Variants in CDAN1 observed in about 807,000 individuals in gnomAD.
CDAN1 encodes codanin 1.
CDAN1 carries 107 observed loss-of-function variants against 139.8 expected under a neutral mutation model. That is an observed-to-expected ratio of 0.77 (90% CI 0.65 to 0.90). The LOEUF (loss-of-function observed/expected upper bound fraction) is 0.90. CDAN1 is among the 40% of genes least tolerant of loss of function. CDAN1 has a pLI of 0.00. For missense variants in CDAN1, 1,667 were observed against 1,575.7 expected (o/e 1.06, Z -0.98); for synonymous variants, 776 against 660.6 (o/e 1.17, Z -2.68).
Position 42,736,637 on chromosome 15 carries a change from G to A in CDAN1, c.234C>T (p.Ala78=). Residue 78 remains alanine, a synonymous_variant, in exon 2 of 28, where the codon GCC becomes GCT. Transcript: ENST00000356231. ...CCGGCCTCCCTGGCAAGGCTGCCGA[G>A]GCGCCCGGGGTCTTGGCGGGGGTCG... ...GPPTPAKTPG[A]SAALPGRPGG... 2 of 1,519,198 alleles carry A rather than the reference G, an allele frequency of 1.3e-6. No individual in the cohort carries two copies. Among genetic ancestry groups the A allele is most frequent in the Non-Finnish European group, 8.8e-7 (1 of 1,133,886 alleles). 94.1% of individuals were successfully genotyped at this position (1,519,198 alleles called of 1,614,324 possible). A position where few individuals can be genotyped will look rare whatever the true frequency, so the allele number is the denominator to read the frequency against.
In CDAN1 at chr15:42,737,001, C is replaced by T. The variant is rs935885407; in HGVS notation, c.90+12G>A. ...CTTCGAGTCAGACCTGGGGGCGTGT[C>T]ACCGCTGTTACCTCCGAACCCTGGG... is the stretch of plus-strand genomic sequence containing the variant. On this transcript the variant is annotated intron_variant, in intron 1 of 27. Transcript: ENST00000356231. 2 of 1,542,596 alleles carry T rather than the reference C, an allele frequency of 1.3e-6. No individual in the cohort carries two copies. The highest frequency in any genetic ancestry group is 2.4e-5 in the South Asian group (2 of 83,236).
chr15:42,735,993 G>C lies in CDAN1; in HGVS notation c.655C>G (p.Pro219Ala), dbSNP rs2061682156. Residue 219 changes from proline (P) to alanine (A), a missense_variant, in exon 3 of 28, where the codon CCA (proline) becomes GCA (alanine). Around this residue, in one of 3 missense-constraint regions of CDAN1, gnomAD observed 487 missense variants for 422.2 expected, o/e 1.15. Transcript: ENST00000356231. ...TGGGAACTGGGGACACAGCTGATTG[G>C]GGGTGAGGTGAAGCAGGTCTTGGGC... The part of the protein sequence containing the change: ...SKPKTCFTSP[P>A]ISCVPSSQPS... 2 of 1,614,164 alleles carry C rather than the reference G, an allele frequency of 1.2e-6. No individual in the cohort carries two copies. The highest frequency in any genetic ancestry group is 1.7e-6 in the Non-Finnish European group (2 of 1,180,016).
At chr15:42,729,192 C>G (rs764681793) in intron 18 of CDAN1, 37 bp downstream of exon 18, 5 of 1,609,222 alleles carry the variant, frequency 3.1e-6, no homozygotes, top group Non-Finnish European at 4.3e-6. Flanking sequence ...CCAACCCCCC[C>G]TCATTTTCCC....
intron 6 of CDAN1, 22 bp downstream of exon 6, chr15:42,735,078 T>C: frequency 6.4e-7 from 1 of 1,562,796 alleles, no homozygotes; most frequent in Non-Finnish European, 8.8e-7. Context: ...GAGGCCCAAA[T>C]GCCTCAGCCA....
intron 11 of CDAN1, 105 bp from the exon 12 acceptor site, chr15:42,731,436 G>C: frequency 1.3e-6 from 2 of 1,529,916 alleles, no homozygotes; most frequent in South Asian, 1.1e-5. Context: ...GACAGACAGG[G>C]AGGCCCAGGA....
chr15:42,728,859 A>G (rs904929368), intron 19 of CDAN1, 49 bp from the exon 20 acceptor site: 24 of 1,612,838 alleles, frequency 1.5e-5, no homozygotes, highest in Non-Finnish European at 2.0e-5. Flanking sequence ...TTAATCGGAA[A>G]GAGGCTGAAA....
Position 42,730,988 on chromosome 15 carries a change from G to A in CDAN1, c.1944C>T (p.Tyr648=). The A allele has an allele frequency of 1.2e-6, 2 of 1,614,184 alleles. No individual in the cohort carries two copies. Among genetic ancestry groups the A allele is most frequent in the Non-Finnish European group, 1.7e-6 (2 of 1,180,034 alleles). Residue 648 remains tyrosine, a synonymous_variant, in exon 13 of 28, where the codon TAC becomes TAT. Coordinates refer to ENST00000356231, the MANE Select transcript of CDAN1 (RefSeq NM_138477.4). ...KFLGFVAFLP[Y]RGPEPPPTGE... is the part of the protein sequence containing the mutation. ...CGGTCGGGGGAGGTTCAGGCCCCCG[G>A]TATGGCAGGAAAGCCACAAAGCCCA...
chr15:42,735,328 C>T lies in CDAN1; in HGVS notation c.990G>A (p.Gln330=). 2.5e-6 allele frequency: 4 copies of T among 1,610,316 alleles called. No homozygotes were observed. Among genetic ancestry groups the T allele is most frequent in the Non-Finnish European group, 3.4e-6 (4 of 1,178,134 alleles). ...NLFLELFFVF[Q]LLTARRMVTA... ...TCACCATCCTCCGGGCAGTGAGGAG[C>T]TGAAAGACGAAGAAAAGCTCCAAGA... Residue 330 remains glutamine, a synonymous_variant, in exon 5 of 28, where the codon CAG becomes CAA. Coordinates refer to ENST00000356231, the MANE Select transcript of CDAN1 (RefSeq NM_138477.4).
chr15:42,729,521 T>C, intron 17 of CDAN1, 47 bp downstream of exon 17: 1 of 1,613,126 alleles, frequency 6.2e-7, no homozygotes. Flanking sequence ...TTTTGGGTAC[T>C]CATGGAGGGA....
chr15:42,734,364 C>T lies in CDAN1; in HGVS notation c.1137-18G>A, dbSNP rs1265098427. 6.2e-7 allele frequency: 1 copy of T among 1,613,820 alleles called. No homozygotes were observed. The highest frequency in any genetic ancestry group is 8.5e-7 in the Non-Finnish European group (1 of 1,179,988). On this transcript the variant is annotated intron_variant, in intron 6 of 27. Transcript: ENST00000356231. The stretch of plus-strand genomic sequence containing the variant: ...AAAGAACCCTGCAGGGACAAGAGCA[C>T]CTATGACTGAGACCAGAACACAGAC...
Position 42,725,540 on chromosome 15 carries a change from C to T in CDAN1, c.3399G>A (p.Leu1133=). Residue 1133 remains leucine, a synonymous_variant, in exon 26 of 28, where the codon CTG becomes CTA. Transcript: ENST00000356231. Reference sequence around the variant, plus strand: ...GCCCCACATTTCTTGGGCTCAGCAGCAGCTGCAGCGGAACCGGCCCCTGAA... The same window carrying T: ...GCCCCACATTTCTTGGGCTCAGCAGTAGCTGCAGCGGAACCGGCCCCTGAA... ...EDFQGPVPLQ[L]LLSPRNVGLL... 6.2e-7 allele frequency: 1 copy of T among 1,614,194 alleles called. No homozygotes were observed. The highest frequency in any genetic ancestry group is 8.5e-7 in the Non-Finnish European group (1 of 1,180,018).
At position 42,736,009 on chromosome 15, in the gene CDAN1, G is replaced by C. The variant is rs143391538; in HGVS notation, c.639C>G (p.Thr213=). Reference sequence around the variant, plus strand: ...AGCTGATTGGGGGTGAGGTGAAGCAGGTCTTGGGCTTGGAGAGTGACCGCT... The same window carrying C: ...AGCTGATTGGGGGTGAGGTGAAGCACGTCTTGGGCTTGGAGAGTGACCGCT... ...SEERSLSKPK[T]CFTSPPISCV... The change falls in exon 3 of 28, where the codon ACC becomes ACG. Residue 213 remains threonine (T), a synonymous_variant. Coordinates refer to ENST00000356231, the MANE Select transcript of CDAN1 (RefSeq NM_138477.4). 389 of 1,614,190 alleles carry C rather than the reference G, an allele frequency of 2.4e-4. 1 individual carries two copies. In the African/African-American group the frequency reaches 3.6e-3, roughly 15 times the overall value.
chr15:42,736,312 C>CG lies in CDAN1; in HGVS notation c.558dup (p.Gly187ArgfsTer48), dbSNP rs1047983266. The CG allele has an allele frequency of 1.9e-6, 3 of 1,613,520 alleles. No homozygotes were observed. The highest frequency in any genetic ancestry group is 1.7e-6 in the Non-Finnish European group (2 of 1,179,928). On this transcript the variant is annotated frameshift_variant, in exon 2 of 28. Coordinates refer to ENST00000356231, the MANE Select transcript of CDAN1 (RefSeq NM_138477.4). LOFTEE classifies it high-confidence loss of function. ...AGAGCTGAGTCTCACCCTGTAGGGC[C>CG]GGGGGGAACCGAGCCTACGGGAGGG...
At chr15:42,726,507 G>C (rs973362904) in intron 23 of CDAN1, 90 bp from the exon 24 acceptor site, 21 of 1,021,640 alleles carry the variant, frequency 2.1e-5, no homozygotes, top group Admixed American at 6.0e-5. Context: ...CCAGTGGAGA[G>C]AGGCAGAAGA....
intron 18 of CDAN1, 28 bp from the exon 19 acceptor site, chr15:42,729,154 G>C (rs372059889): frequency 1.7e-5 from 27 of 1,613,496 alleles, no homozygotes; most frequent in Non-Finnish European, 1.9e-5. Flanking sequence ...AGGCAGCAAG[G>C]CTTCCTCCAG....
chr15:42,729,922 A>ACCCCCCCCCCCCCCCCCCCCCC, intron 15 of CDAN1, 37 bp from the exon 16 acceptor site: 2 of 1,513,202 alleles, frequency 1.3e-6, no homozygotes, highest in South Asian at 1.2e-5. Flanking sequence ...AACTTCAGAG[A>ACCCCCCCCCCCCCCCCCCCCCC]CCCCCACCCA....
rs192855524 is a variant in CDAN1, at chr15:42,724,487, A to C, written c.*4T>G. 11 of 1,577,252 alleles carry C rather than the reference A, an allele frequency of 7.0e-6. No individual in the cohort carries two copies. The highest frequency in any genetic ancestry group is 1.7e-4 in the Middle Eastern group (1 of 5,876). ...AATGCCCAAGGCAGGGCCACTTCTC[A>C]GCCCTAGCTCTGGGCCAGCACAGTG... On this transcript the variant is annotated 3_prime_UTR_variant, in exon 28 of 28. Transcript: ENST00000356231.
chr15:42,736,445 C>T lies in CDAN1; in HGVS notation c.426G>A (p.Gly142=), dbSNP rs376536296. The T allele has an allele frequency of 2.4e-5, 38 of 1,574,934 alleles. No homozygotes were observed. Among genetic ancestry groups the T allele is most frequent in the Admixed American group, 7.2e-5 (4 of 55,232 alleles). Residue 142 remains glycine (G), a synonymous_variant, in exon 2 of 28, where the codon GGG becomes GGA. Coordinates refer to ENST00000356231, the MANE Select transcript of CDAN1 (RefSeq NM_138477.4). ...GGCCCCCGGCTCCGGGCAGGCTCTC[C>T]CCGCTGACCCCCTCCTCCAGGCCGC... ...GGRGLEEGVS[G]ESLPGAGGRR...
intron 1 of CDAN1, 99 bp from the exon 2 acceptor site, chr15:42,736,879 G>A (rs1015574404): frequency 1.4e-6 from 2 of 1,450,198 alleles, no homozygotes; most frequent in African/African-American, 1.5e-5. Flanking sequence ...TGGGCGGCCC[G>A]GGCAGCGGCG....
Sources: allele counts gnomAD v4.1 joint callset, GRCh38; gene constraint gnomAD v4.1.1; regional missense constraint gnomAD v4.1.1; transcripts MANE v1.5; gene names NCBI Gene and HGNC (gene_info 2026-07-23, HGNC 2026-07-21).